BMP10: variants seen among roughly 807,000 people sequenced by gnomAD.
The protein encoded by BMP10 is bone morphogenetic protein 10.
A neutral mutation model predicts 29.9 loss-of-function variants in BMP10; 9 were observed. The ratio of observed to expected loss-of-function variants is 0.30; its 90% CI spans 0.18 to 0.53. The LOEUF (loss-of-function observed/expected upper bound fraction) is 0.53. Among genes scored for constraint, BMP10 ranks in the 20% least tolerant of loss-of-function variants. The pLI is 0.96. For missense variants in BMP10, 474 were observed against 524.3 expected (o/e 0.90, Z 0.94); for synonymous variants, 202 against 200.2 (o/e 1.01, Z -0.07).
rs1252911708 is a variant in BMP10 at position 68,866,175 on chromosome 2, C to G, written c.731G>C (p.Ser244Thr). 6.2e-7 allele frequency: 1 copy of G among 1,614,062 alleles called. No homozygotes were observed. The highest frequency in any genetic ancestry group is 1.7e-5 in the Admixed American group (1 of 60,010). Residue 244 changes from serine (S) to threonine (T), a missense_variant, in exon 2 of 2, where the codon AGT becomes ACT. By Grantham distance (58) the Ser-to-Thr change is moderately conservative (BLOSUM62 1). Coordinates refer to ENST00000295379, the MANE Select transcript of BMP10 (RefSeq NM_014482.3). ...CAAAGGGTTATGCTTATTCTGGGCA[C>G]TGGTATCTATTTCTAGCCGTCCACT... is the stretch of plus-strand genomic sequence containing the variant. ...ASSGRLEIDT[S>T]AQNKHNPLLI...
intron 1 of BMP10, among the ~76,000 whole-genome samples, chr2:68,870,268 A>G (rs929162872): frequency 6.6e-6 from 1 of 152,220 alleles, no homozygotes; most frequent in Non-Finnish European, 1.5e-5. Flanking sequence ...ACAAACAAAC[A>G]AACAAACAAA....
Position 68,865,575 on chromosome 2 carries a change from T to G in BMP10, c.*56A>C. On this transcript the variant is annotated 3_prime_UTR_variant, in exon 2 of 2. Coordinates refer to ENST00000295379, the MANE Select transcript of BMP10 (RefSeq NM_014482.3). The surrounding 1 kb of genome is among the most constrained non-coding windows in gnomAD (Gnocchi z 4.7). ...ACCCTTATTAAATAATCTCATTAAATAGGAACACCAAATATACACATTTAC... is the reference window on the plus strand; with the variant it reads ...ACCCTTATTAAATAATCTCATTAAAGAGGAACACCAAATATACACATTTAC... The G allele has an allele frequency of 6.6e-7, 1 of 1,505,676 alleles. No homozygotes were observed. The highest frequency in any genetic ancestry group is 9.1e-7 in the Non-Finnish European group (1 of 1,102,634). The allele number at this position is 1,505,676 out of a possible 1,614,324, so 93.3% of individuals were successfully genotyped here.
rs779882605 is a variant in BMP10 at position 68,871,368 on chromosome 2, C to T, written c.-10G>A. The T allele has an allele frequency of 9.9e-6, 16 of 1,610,662 alleles. 1 individual carries two copies. In the East Asian group the frequency reaches 1.8e-4, roughly 18 times the overall value. On this transcript the variant is annotated 5_prime_UTR_variant, in exon 1 of 2. Coordinates refer to ENST00000295379, the MANE Select transcript of BMP10 (RefSeq NM_014482.3). Reference sequence around the variant, plus strand: ...GGACCAGAGAGCCCATGACTCCGCTCGAGCTCCTAGGCCAAGCCAGGAAGG... The same window carrying T: ...GGACCAGAGAGCCCATGACTCCGCTTGAGCTCCTAGGCCAAGCCAGGAAGG...
rs10173546 is a variant in BMP10, at chr2:68,865,489, C to T, written c.*142G>A. On this transcript the variant is annotated 3_prime_UTR_variant, in exon 2 of 2. Transcript: ENST00000295379. This position sits in a 1 kb window ranked among gnomAD's most constrained non-coding sequence, Gnocchi z 4.7. ...GGACTTAACTGGAGAGGAAAATATG[C>T]ATTTCCTACAACAAACTGACCTGTC... is the stretch of plus-strand genomic sequence containing the variant. 9.6e-3 allele frequency: 7,857 copies of T among 817,694 alleles called. 451 individuals carry two copies. The African/African-American group carries it at 0.12, about 13-fold the overall frequency. The allele number at this position is 817,694 out of a possible 1,614,324, so 50.7% of individuals were successfully genotyped here. A position where few individuals can be genotyped will look rare whatever the true frequency, so the allele number is the denominator to read the frequency against.
At chr2:68,866,674 G>A in intron 1 of BMP10, 103 bp from the exon 2 acceptor site, 1 of 845,520 alleles carries the variant, frequency 1.2e-6, no homozygotes, top group Non-Finnish European at 1.8e-6. Context: ...AAAGCTTAAT[G>A]CAGAAAGAAT....
chr2:68,865,661 G>T lies in BMP10; in HGVS notation c.1245C>A (p.Gly415=). The T allele has an allele frequency of 6.2e-7, 1 of 1,614,058 alleles. No homozygotes were observed. Among genetic ancestry groups the T allele is most frequent in the Non-Finnish European group, 8.5e-7 (1 of 1,179,944 alleles). Residue 415 remains glycine, a synonymous_variant, in exon 2 of 2, where the codon GGC becomes GGA. Coordinates refer to ENST00000295379, the MANE Select transcript of BMP10 (RefSeq NM_014482.3). This position sits in a 1 kb window ranked among gnomAD's most constrained non-coding sequence, Gnocchi z 4.7. Reference sequence around the variant, plus strand: ...TACAGCCACATTCGGAGACGGCCATGCCTTCGTATTTAAACTTGTAGGTGA... The same window carrying T: ...TACAGCCACATTCGGAGACGGCCATTCCTTCGTATTTAAACTTGTAGGTGA... ...GVVTYKFKYE[G]MAVSECGCR
At position 68,863,177 on chromosome 2, in the gene BMP10, G is replaced by T. The variant is rs912951249; in HGVS notation, c.*2454C>A. On this transcript the variant is annotated 3_prime_UTR_variant, in exon 2 of 2. Transcript: ENST00000295379. ...GCACAGCTCCCAAGAGCTGACTTAGGTTTTAGAAGTTTTGCAAGCCAGTTG... is the reference window on the plus strand; with the variant it reads ...GCACAGCTCCCAAGAGCTGACTTAGTTTTTAGAAGTTTTGCAAGCCAGTTG... 6.6e-6 allele frequency among the ~76,000 whole-genome samples: 1 copy of T among 152,176 alleles called. No homozygotes were observed. The highest frequency in any genetic ancestry group is 2.4e-5 in the African/African-American group (1 of 41,458).
At chr2:68,870,928 A>T (rs1683054479) in intron 1 of BMP10, 97 bp downstream of exon 1, 2 of 1,067,354 alleles carry the variant, frequency 1.9e-6, no homozygotes, top group Non-Finnish European at 2.8e-6. Context: ...CCTTATATAG[A>T]TGTATTTACC....
rs144400231 is a variant in BMP10, at chr2:68,865,799, A to G, written c.1107T>C (p.His369=). 139 of 1,613,978 alleles carry G rather than the reference A, an allele frequency of 8.6e-5. No homozygotes were observed. The highest frequency in any genetic ancestry group is 1.2e-4 in the Non-Finnish European group (136 of 1,179,984). The change falls in exon 2 of 2, where the codon CAT becomes CAC. Residue 369 remains histidine (H), a synonymous_variant. Transcript: ENST00000295379. This position sits in a 1 kb window ranked among gnomAD's most constrained non-coding sequence, Gnocchi z 4.7. Reference sequence around the variant, plus strand: ...GGTGGACCAAGGCCTGGATAATTGCATGCTTTGTGGGTGTGAGATGCTCTG... The same window carrying G: ...GGTGGACCAAGGCCTGGATAATTGCGTGCTTTGTGGGTGTGAGATGCTCTG... The part of the protein sequence containing the change: ...PLAEHLTPTK[H]AIIQALVHLK...
rs17036132 is a variant in BMP10 at position 68,867,030 on chromosome 2, A to T, written c.335-459T>A. Among the ~76,000 whole-genome samples the T allele has an allele frequency of 7.5e-3, 1,134 of 152,060 alleles. 16 individuals carry two copies. Among genetic ancestry groups the T allele is most frequent in the African/African-American group, 0.026 (1,081 of 41,390 alleles). ...ATATTTGTGTTTGTAGTGGGTGGAG[A>T]TCCCCGCACAGTTGGCTGGACACTG... On this transcript the variant is annotated intron_variant, in intron 1 of 1. Transcript: ENST00000295379.
In BMP10 at chr2:68,865,584, C is replaced by A; in HGVS notation, c.*47G>T. ...AAATAATCTCATTAAATAGGAACAC[C>A]AAATATACACATTTACAGTTATTAA... On this transcript the variant is annotated 3_prime_UTR_variant, in exon 2 of 2. Coordinates refer to ENST00000295379, the MANE Select transcript of BMP10 (RefSeq NM_014482.3). The surrounding 1 kb of genome is among the most constrained non-coding windows in gnomAD (Gnocchi z 4.7). 6.5e-7 allele frequency: 1 copy of A among 1,535,356 alleles called. No individual in the cohort carries two copies. Among genetic ancestry groups the A allele is most frequent in the South Asian group, 1.2e-5 (1 of 85,158 alleles).
intron 1 of BMP10, among the ~76,000 whole-genome samples, chr2:68,867,128 C>T (rs1682975970): frequency 6.6e-6 from 1 of 152,164 alleles, no homozygotes; most frequent in Non-Finnish European, 1.5e-5. Flanking sequence ...GGGCCTGCTA[C>T]CTGCTTTTGG....
chr2:68,863,546 A>C lies in BMP10; in HGVS notation c.*2085T>G, dbSNP rs1183465770. On this transcript the variant is annotated 3_prime_UTR_variant, in exon 2 of 2. Transcript: ENST00000295379. The stretch of plus-strand genomic sequence containing the variant: ...ATTCAAAGCCAGCTATACATCACAC[A>C]CACATACACACATCATGTTATATGG... Among the ~76,000 whole-genome samples, 1 of 152,184 alleles carries C rather than the reference A, an allele frequency of 6.6e-6. No individual in the cohort carries two copies. Among genetic ancestry groups the C allele is most frequent in the African/African-American group, 2.4e-5 (1 of 41,438 alleles).
intron 1 of BMP10, among the ~76,000 whole-genome samples, chr2:68,867,900 A>T (rs1682996099): frequency 2.1e-5 from 2 of 95,520 alleles, no homozygotes; most frequent in Non-Finnish European, 4.7e-5. Context: ...ATTTGAGGTG[A>T]TATTTATGTG....
chr2:68,866,326 T>C lies in BMP10; in HGVS notation c.580A>G (p.Thr194Ala). The change falls in exon 2 of 2, where the codon ACC (threonine) becomes GCC (alanine). Residue 194 changes from threonine (T) to alanine (A), a missense_variant. Physicochemically the swap from Thr to Ala is moderately conservative, Grantham distance 58 (BLOSUM62 0). Around this residue, in one of 2 missense-constraint regions of BMP10, gnomAD observed 408 missense variants for 415.3 expected, o/e 0.98. Transcript: ENST00000295379. Reference sequence around the variant, plus strand: ...TCAAAAGTCTCCCACTCACTGTTGGTTCCATATATCTCCCCAGACACCAAG... The same window carrying C: ...TCAAAAGTCTCCCACTCACTGTTGGCTCCATATATCTCCCCAGACACCAAG... ...LVLVSGEIYG[T>A]NSEWETFDVT... 1 of 1,614,016 alleles carries C rather than the reference T, an allele frequency of 6.2e-7. No homozygotes were observed. Among genetic ancestry groups the C allele is most frequent in the Non-Finnish European group, 8.5e-7 (1 of 1,179,956 alleles).
chr2:68,861,117 G>T lies in BMP10; in HGVS notation c.*4514C>A, dbSNP rs961753579. 1.3e-5 allele frequency among the ~76,000 whole-genome samples: 2 copies of T among 152,186 alleles called. No individual in the cohort carries two copies. Among genetic ancestry groups the T allele is most frequent in the Non-Finnish European group, 2.9e-5 (2 of 68,032 alleles). On this transcript the variant is annotated 3_prime_UTR_variant, in exon 2 of 2. Coordinates refer to ENST00000295379, the MANE Select transcript of BMP10 (RefSeq NM_014482.3). ...GGTACACATTTGGTTCATGAACACA[G>T]GGTAAAATATTTATTTCCATCTTCA...
At position 68,865,948 on chromosome 2, in the gene BMP10, C is replaced by T. The variant is rs1682942498; in HGVS notation, c.958G>A (p.Gly320Arg). The T allele has an allele frequency of 1.2e-6, 2 of 1,614,044 alleles. No individual in the cohort carries two copies. Among genetic ancestry groups the T allele is most frequent in the Non-Finnish European group, 1.7e-6 (2 of 1,179,984 alleles). ...AGCGGGGTCCTCTTACAGTAGTTTC[C>T]TTTGGCGTTCCTTCTGATTCGGGCA... ...STARIRRNAK[G>R]NYCKRTPLYI... Residue 320 changes from glycine (G) to arginine (R), a missense_variant, in exon 2 of 2, where the codon GGA becomes AGA. Around this residue, in one of 2 missense-constraint regions of BMP10, gnomAD observed 408 missense variants for 415.3 expected, o/e 0.98. Transcript: ENST00000295379. The surrounding 1 kb of genome is among the most constrained non-coding windows in gnomAD (Gnocchi z 4.7).
Position 68,866,218 on chromosome 2 carries a change from C to T in BMP10, c.688G>A (p.Glu230Lys). 1 of 1,614,080 alleles carries T rather than the reference C, an allele frequency of 6.2e-7. No homozygotes were observed. Among genetic ancestry groups the T allele is most frequent in the Non-Finnish European group, 8.5e-7 (1 of 1,179,990 alleles). The change falls in exon 2 of 2, where the codon GAA (glutamate) becomes AAA (lysine). Residue 230 changes from glutamate (E) to lysine (K), a missense_variant. Around this residue, in one of 2 missense-constraint regions of BMP10, gnomAD observed 408 missense variants for 415.3 expected, o/e 0.98. Transcript: ENST00000295379. ...CGTCCACTGCTGGCATCCTCAGCTT[C>T]ATCGTGTTTGCTCTCAATGTGGACC... is the stretch of plus-strand genomic sequence containing the variant. Reference protein sequence around the residue: ...LEVHIESKHDEAEDASSGRLE... With the variant: ...LEVHIESKHDKAEDASSGRLE...
chr2:68,863,291 C>T lies in BMP10; in HGVS notation c.*2340G>A, dbSNP rs1682896295. On this transcript the variant is annotated 3_prime_UTR_variant, in exon 2 of 2. Transcript: ENST00000295379. ...CAGGGCTTTTTCTCCCCCTGGATTGCTGGTTGTAAGGGTTTTACCAGCACA... is the reference window on the plus strand; with the variant it reads ...CAGGGCTTTTTCTCCCCCTGGATTGTTGGTTGTAAGGGTTTTACCAGCACA... Among the ~76,000 whole-genome samples, 1 of 152,188 alleles carries T rather than the reference C, an allele frequency of 6.6e-6. No individual in the cohort carries two copies. Among genetic ancestry groups the T allele is most frequent in the Non-Finnish European group, 1.5e-5 (1 of 68,028 alleles).
Sources: gnomAD v4.1 joint callset for allele counts (sites outside exome capture counted in the v4.1 genomes callset) on GRCh38, gnomAD v4.1.1 for gene constraint, gnomAD v4.1.1 regional missense constraint, Gnocchi (gnomAD v3.1) non-coding constraint, MANE v1.5 for transcripts, NCBI Gene and HGNC (gene_info 2026-07-23, HGNC 2026-07-21) for gene names.